The following CASKIN2 variants were observed in gnomAD, a reference collection of about 807,000 sequenced individuals.
CASKIN2 encodes caskin-2.
Under a neutral mutation model 107.1 loss-of-function variants are expected in CASKIN2, and 41 were observed. That is an observed-to-expected ratio of 0.38 (90% CI 0.30 to 0.50). The LOEUF (loss-of-function observed/expected upper bound fraction) is 0.50, where lower values mean the gene tolerates loss of function less well. CASKIN2 is among the 20% of genes least tolerant of loss of function. The pLI, the probability that CASKIN2 is intolerant of heterozygous loss-of-function variation, is 0.92. For missense variants in CASKIN2, 1,546 were observed against 1,657.4 expected (o/e 0.93, Z 1.17); for synonymous variants, 724 against 705.6 (o/e 1.03, Z -0.41).
Position 75,501,463 on chromosome 17 carries a change from C to T in CASKIN2, c.3518+5G>A, listed in dbSNP as rs1259941224. ...TTCTCTCCCTCCCCATCCGGCCCCC[C>T]TCACCCCTCTTGCTCCTTGGTGCCA... On this transcript the variant is annotated splice_donor_5th_base_variant and intron_variant, in intron 19 of 19. Coordinates refer to ENST00000321617, the MANE Select transcript of CASKIN2 (RefSeq NM_020753.5). 1.9e-6 allele frequency: 3 copies of T among 1,604,498 alleles called. No homozygotes were observed. The highest frequency in any genetic ancestry group is 1.7e-5 in the Admixed American group (1 of 59,766).
intron 1 of CASKIN2, among the ~76,000 whole-genome samples, chr17:75,514,985 A>G (rs1258765411): frequency 2.0e-5 from 3 of 151,894 alleles, no homozygotes; most frequent in Non-Finnish European, 4.4e-5. Flanking sequence ...TTACTGCCAG[A>G]GTCTTGTGGC....
chr17:75,501,345 G>T, intron 19 of CASKIN2, 123 bp downstream of exon 19: 1 of 1,258,310 alleles, frequency 7.9e-7, no homozygotes, highest in Non-Finnish European at 1.1e-6. Context: ...TTCAACACCT[G>T]GCCTCTTATC....
rs1277453422 is a variant in CASKIN2 at position 75,506,779 on chromosome 17, C to T, written c.486+20G>A. 1 of 1,613,684 alleles carries T rather than the reference C, an allele frequency of 6.2e-7. No individual in the cohort carries two copies. Among genetic ancestry groups the T allele is most frequent in the Non-Finnish European group, 8.5e-7 (1 of 1,179,990 alleles). On this transcript the variant is annotated intron_variant, in intron 6 of 19. Coordinates refer to ENST00000321617, the MANE Select transcript of CASKIN2 (RefSeq NM_020753.5). The surrounding 1 kb of genome is among the most constrained non-coding windows in gnomAD (Gnocchi z 4.8). ...CCTGTAGATGTCCAGGACCCAGCAC[C>T]CCAAGGCTGCAGGCCTCACCTTGAG...
At position 75,504,654 on chromosome 17, in the gene CASKIN2, C is replaced by CTT. The variant is rs778839271; in HGVS notation, c.1231_1232insAA (p.Gly411GlufsTer24). ...CCCGCTGCCGGCACTGCGGATGCTGCCCACGCTGCCCTCACTGCCCACACT... is the reference window on the plus strand; with the variant it reads ...CCCGCTGCCGGCACTGCGGATGCTGCTTCCACGCTGCCCTCACTGCCCACACT... On this transcript the variant is annotated frameshift_variant, in exon 12 of 20. Transcript: ENST00000321617. LOFTEE classifies it high-confidence loss of function. 24 of 1,604,730 alleles carry CTT rather than the reference C, an allele frequency of 1.5e-5. No individual in the cohort carries two copies. The highest frequency in any genetic ancestry group is 2.0e-5 in the Non-Finnish European group (24 of 1,174,918).
Position 75,502,224 on chromosome 17 carries a change from C to A in CASKIN2, c.2850G>T (p.Leu950=). The A allele has an allele frequency of 6.3e-7, 1 of 1,585,758 alleles. No homozygotes were observed. Among genetic ancestry groups the A allele is most frequent in the Admixed American group, 1.7e-5 (1 of 58,860 alleles). ...TCAGGTTCCCTTCCTCTGCAAACGG[C>A]AGCCCTTCCCCAGAGCTGCCCCGAG... ...PPSRGSSGEG[L]PFAEEGNLTI... is the part of the protein sequence containing the mutation. Residue 950 remains leucine, a synonymous_variant, in exon 18 of 20, where the codon CTG becomes CTT. Coordinates refer to ENST00000321617, the MANE Select transcript of CASKIN2 (RefSeq NM_020753.5). The surrounding 1 kb of genome is among the most constrained non-coding windows in gnomAD (Gnocchi z 4.3).
chr17:75,513,350 CAGG>C (rs987163723), intron 2 of CASKIN2, among the ~76,000 whole-genome samples: 1 of 152,136 alleles, frequency 6.6e-6, no homozygotes, highest in African/African-American at 2.4e-5. Flanking sequence ...GAGGCTGAGG[CAGG>C]AGAATGGCTT....
rs1489130050 is a variant in CASKIN2 at position 75,501,049 on chromosome 17, C to T, written c.*31G>A. The stretch of plus-strand genomic sequence containing the variant: ...GTGCTGGGGCAAAGGCAGTGGACTT[C>T]GGCAGGTCACAGTGGGCACTGCTGG... On this transcript the variant is annotated 3_prime_UTR_variant, in exon 20 of 20. Coordinates refer to ENST00000321617, the MANE Select transcript of CASKIN2 (RefSeq NM_020753.5). 30 of 1,547,326 alleles carry T rather than the reference C, an allele frequency of 1.9e-5. No individual in the cohort carries two copies. Among genetic ancestry groups the T allele is most frequent in the South Asian group, 4.8e-5 (4 of 84,134 alleles).
chr17:75,513,767 T>C lies in CASKIN2; in HGVS notation c.38A>G (p.Asn13Ser). The C allele has an allele frequency of 1.2e-6, 2 of 1,611,368 alleles. No homozygotes were observed. The highest frequency in any genetic ancestry group is 1.7e-6 in the Non-Finnish European group (2 of 1,178,444). ...REQDLILAVKNGDVTGVQKLV... is the reference protein window; with the variant it reads ...REQDLILAVKSGDVTGVQKLV... ...TTTCTGCACACCGGTCACATCTCCATTCTTGACGGCGAGGATCAGGTCCTG... is the reference window on the plus strand; with the variant it reads ...TTTCTGCACACCGGTCACATCTCCACTCTTGACGGCGAGGATCAGGTCCTG... Residue 13 changes from asparagine (N) to serine (S), a missense_variant, in exon 2 of 20, where the codon AAT (asparagine) becomes AGT (serine). Asn to Ser is a conservative substitution (Grantham distance 46). Transcript: ENST00000321617.
At chr17:75,513,186 C>T (rs1461453189) in intron 2 of CASKIN2, among the ~76,000 whole-genome samples, 1 of 107,516 alleles carries the variant, frequency 9.3e-6, no homozygotes, top group African/African-American at 3.1e-5. Flanking sequence ...GCCTGTAATC[C>T]TAGTACTAGG....
chr17:75,512,624 G>A (rs934830716), intron 2 of CASKIN2, among the ~76,000 whole-genome samples: 5 of 152,078 alleles, frequency 3.3e-5, no homozygotes, highest in Admixed American at 2.6e-4. Context: ...AAGCTATCTC[G>A]TGGCCTGGTG....
chr17:75,506,880 G>T lies in CASKIN2; in HGVS notation c.405C>A (p.Leu135=). Residue 135 remains leucine (L), a synonymous_variant, in exon 6 of 20, where the codon CTC becomes CTA. Transcript: ENST00000321617. This position sits in a 1 kb window ranked among gnomAD's most constrained non-coding sequence, Gnocchi z 4.8. ...YGHYEVSEML[L]QHQSNPCLVN... ...CCAGGCATGGGTTGGACTGATGCTG[G>T]AGGAGCATTTCTGACTGGGGTTGGG... is the stretch of plus-strand genomic sequence containing the variant. The T allele has an allele frequency of 6.2e-7, 1 of 1,612,082 alleles. No individual in the cohort carries two copies. The highest frequency in any genetic ancestry group is 8.5e-7 in the Non-Finnish European group (1 of 1,179,290).
chr17:75,502,513 G>C lies in CASKIN2; in HGVS notation c.2561C>G (p.Pro854Arg). 6.8e-7 allele frequency: 1 copy of C among 1,474,328 alleles called. No individual in the cohort carries two copies. Among genetic ancestry groups the C allele is most frequent in the Non-Finnish European group, 9.0e-7 (1 of 1,107,910 alleles). The allele number at this position is 1,474,328 out of a possible 1,614,324, so 91.3% of individuals were successfully genotyped here. A position where few individuals can be genotyped will look rare whatever the true frequency, so the allele number is the denominator to read the frequency against. Residue 854 changes from proline (P) to arginine (R), a missense_variant, in exon 18 of 20, where the codon CCT becomes CGT. Around this residue, in one of 6 missense-constraint regions of CASKIN2, gnomAD observed 1,311 missense variants for 1,311.0 expected, o/e 1.00. Coordinates refer to ENST00000321617, the MANE Select transcript of CASKIN2 (RefSeq NM_020753.5). This position sits in a 1 kb window ranked among gnomAD's most constrained non-coding sequence, Gnocchi z 4.3. ...CCGCAGGGCAAAGGACTGGCTGCGA[G>C]GAGTCCCCCGAGCTGGGGTTGGGGT... ...SVTPTPARGT[P>R]RSQSFALRAR...
At chr17:75,510,617 G>A (rs533384262) in intron 2 of CASKIN2, among the ~76,000 whole-genome samples, 2 of 152,040 alleles carry the variant, frequency 1.3e-5, no homozygotes, top group African/African-American at 4.8e-5. Flanking sequence ...TTGAGACAGG[G>A]TCTTGCTCTG....
chr17:75,503,200 C>G lies in CASKIN2; in HGVS notation c.1874G>C (p.Gly625Ala). 6.3e-7 allele frequency: 1 copy of G among 1,597,352 alleles called. No homozygotes were observed. The highest frequency in any genetic ancestry group is 1.1e-5 in the South Asian group (1 of 89,852). The part of the protein sequence containing the change: ...GVKRLAELRR[G>A]LLQGEALSEG... Reference sequence around the variant, plus strand: ...GCTGAGGGCCTCCCCCTGCAGCAGGCCCCGCCGAAGCTCCGCCAGCCGCTT... The same window carrying G: ...GCTGAGGGCCTCCCCCTGCAGCAGGGCCCGCCGAAGCTCCGCCAGCCGCTT... Residue 625 changes from glycine (G) to alanine (A), a missense_variant, in exon 18 of 20, where the codon GGC becomes GCC. Coordinates refer to ENST00000321617, the MANE Select transcript of CASKIN2 (RefSeq NM_020753.5).
In CASKIN2 at chr17:75,504,315, A is replaced by G. The variant is rs748794489; in HGVS notation, c.1376-9T>C. On this transcript the variant is annotated splice_polypyrimidine_tract_variant and intron_variant, in intron 13 of 19. Coordinates refer to ENST00000321617, the MANE Select transcript of CASKIN2 (RefSeq NM_020753.5). ...GCGGTGGCTCAGGTTGTCTTCAAGG[A>G]GAGAGAAAAATGGAATGGAAAGGTG... 4.4e-6 allele frequency: 7 copies of G among 1,605,200 alleles called. No homozygotes were observed. The East Asian group carries it at 1.6e-4, about 36-fold the overall frequency.
rs760354425 is a variant in CASKIN2 at position 75,507,653 on chromosome 17, C to G, written c.175G>C (p.Gly59Arg). Residue 59 changes from glycine to arginine, a missense_variant, in exon 4 of 20, where the codon GGG (glycine) becomes CGG (arginine). Gly to Arg is a moderately radical substitution (Grantham distance 125). Around this residue, in one of 6 missense-constraint regions of CASKIN2, gnomAD observed 136 missense variants for 198.6 expected, o/e 0.68. Coordinates refer to ENST00000321617, the MANE Select transcript of CASKIN2 (RefSeq NM_020753.5). ...GFSALHHAAL[G>R]GSLELIALLL... is the part of the protein sequence containing the mutation. ...AAGGCTATGAGCTCCAGGCTGCCCC[C>G]CAAAGCAGCGTGGTGGAGGGCAGAG... The G allele has an allele frequency of 3.1e-6, 5 of 1,612,974 alleles. No individual in the cohort carries two copies. The highest frequency in any genetic ancestry group is 1.7e-4 in the Middle Eastern group (1 of 6,048).
chr17:75,505,756 C>T lies in CASKIN2; in HGVS notation c.835+65G>A, dbSNP rs1434835054. 9 of 1,574,592 alleles carry T rather than the reference C, an allele frequency of 5.7e-6. No homozygotes were observed. The highest frequency in any genetic ancestry group is 3.4e-5 in the Admixed American group (2 of 59,572). On this transcript the variant is annotated intron_variant, in intron 9 of 19. Coordinates refer to ENST00000321617, the MANE Select transcript of CASKIN2 (RefSeq NM_020753.5). The surrounding 1 kb of genome is among the most constrained non-coding windows in gnomAD (Gnocchi z 5.1). Reference sequence around the variant, plus strand: ...TCCCCCAGGGACGTCCACTCCCCCTCCACATCCTGGTACCACTTGAGCGGC... The same window carrying T: ...TCCCCCAGGGACGTCCACTCCCCCTTCACATCCTGGTACCACTTGAGCGGC...
Position 75,503,719 on chromosome 17 carries a change from C to T in CASKIN2, c.1620G>A (p.Lys540=). ...AIGVTKPGHR[K]KIASEIAQLS... ...GCTGAGCGATCTCTGAGGCGATCTTCTTCCTGTGCCCAGGCTTGGTCACCC... is the reference window on the plus strand; with the variant it reads ...GCTGAGCGATCTCTGAGGCGATCTTTTTCCTGTGCCCAGGCTTGGTCACCC... The change falls in exon 16 of 20, where the codon AAG becomes AAA. Residue 540 remains lysine, a synonymous_variant. Coordinates refer to ENST00000321617, the MANE Select transcript of CASKIN2 (RefSeq NM_020753.5). The T allele has an allele frequency of 1.2e-6, 2 of 1,612,626 alleles. No individual in the cohort carries two copies. Among genetic ancestry groups the T allele is most frequent in the Non-Finnish European group, 8.5e-7 (1 of 1,180,006 alleles).
Position 75,504,960 on chromosome 17 carries a change from C to A in CASKIN2, c.1044G>T (p.Arg348=), listed in dbSNP as rs958055894. Residue 348 remains arginine, a synonymous_variant, in exon 11 of 20, where the codon CGG becomes CGT. Coordinates refer to ENST00000321617, the MANE Select transcript of CASKIN2 (RefSeq NM_020753.5). The stretch of plus-strand genomic sequence containing the variant: ...GGAGGCGGGCTGCAGGGATGCCCAC[C>A]CGCTTGCTGACCACCTCGACAATGC... The part of the protein sequence containing the change: ...PPGIVEVVSK[R]VGIPAARLPS... 3 of 1,611,804 alleles carry A rather than the reference C, an allele frequency of 1.9e-6. No individual in the cohort carries two copies. The highest frequency in any genetic ancestry group is 2.7e-5 in the African/African-American group (2 of 74,886).
Sources: allele counts gnomAD v4.1 joint callset (sites outside exome capture counted in the v4.1 genomes callset), GRCh38; gene constraint gnomAD v4.1.1; regional missense constraint gnomAD v4.1.1; non-coding constraint Gnocchi (gnomAD v3.1); transcripts MANE v1.5; gene names NCBI Gene and HGNC (gene_info 2026-07-23, HGNC 2026-07-21).